Variants in PRDM11 observed in about 807,000 individuals in gnomAD.
PRDM11 encodes PR domain-containing protein 11.
A neutral mutation model predicts 97.8 loss-of-function variants in PRDM11; 20 were observed. That is an observed-to-expected ratio of 0.20 (90% confidence interval 0.14 to 0.30). The LOEUF (loss-of-function observed/expected upper bound fraction) is 0.30, where lower values mean the gene tolerates loss of function less well. PRDM11 is among the 10% of genes least tolerant of loss of function. The pLI is 1.00. For synonymous variants in PRDM11, 599 were observed against 637.7 expected, an observed-to-expected ratio of 0.94 and a Z score of 0.91; for missense variants, 1,139 against 1,555.2, an observed-to-expected ratio of 0.73 and a Z score of 4.50.
chr11:45,204,450 G>A (rs1233011071), intron 4 of PRDM11, among the ~76,000 whole-genome samples: 2 of 152,154 alleles, frequency 1.3e-5, no homozygotes, highest in African/African-American at 4.8e-5. Flanking sequence ...CATCTTCCAG[G>A]AATTCAAAAC....
At chr11:45,208,899 A>G (rs1419578871) in intron 5 of PRDM11, 1 of 454,026 alleles carries the variant, frequency 2.2e-6, no homozygotes, top group African/African-American at 2.0e-5. Flanking sequence ...GGCTGAGCGT[A>G]AGAGGAAGCC....
At chr11:45,120,804 T>G (rs114361661) in intron 1 of PRDM11, among the ~76,000 whole-genome samples, 67 of 152,222 alleles carry the variant, frequency 4.4e-4, no homozygotes, top group African/African-American at 1.5e-3. Context: ...ATTGATTACT[T>G]AAACCAGCAA....
At chr11:45,119,074 C>T (rs1852364926) in intron 1 of PRDM11, among the ~76,000 whole-genome samples, 1 of 152,140 alleles carries the variant, frequency 6.6e-6, no homozygotes, top group Non-Finnish European at 1.5e-5. Flanking sequence ...AAACACAAGA[C>T]CATATTCTTC....
Position 45,229,060 on chromosome 11 carries a change from A to G in PRDM11, c.*901A>G, listed in dbSNP as rs1854345417. ...ATTCCAATCCAGGGCTTTTGGGGAG[A>G]TGAAGAGCCAAGAAGTCCAGACCCC... is the stretch of plus-strand genomic sequence containing the variant. On this transcript the variant is annotated 3_prime_UTR_variant, in exon 8 of 8. Transcript: ENST00000683152. The G allele has an allele frequency of 6.6e-6, 1 of 152,162 alleles. No individual in the cohort carries two copies. Among genetic ancestry groups the G allele is most frequent in the Non-Finnish European group, 1.5e-5 (1 of 68,018 alleles). 9.4% of individuals were successfully genotyped at this position (152,162 alleles called of 1,614,324 possible).
chr11:45,097,121 A>C (rs1223919666), intron 1 of PRDM11, among the ~76,000 whole-genome samples: 3 of 152,250 alleles, frequency 2.0e-5, no homozygotes, highest in Non-Finnish European at 4.4e-5. Flanking sequence ...AAGCACCTTT[A>C]CCTTCATCCT....
chr11:45,227,242 A>T lies in PRDM11; in HGVS notation c.2617A>T (p.Met873Leu). 1 of 1,533,952 alleles carries T rather than the reference A, an allele frequency of 6.5e-7. No individual in the cohort carries two copies. Among genetic ancestry groups the T allele is most frequent in the Non-Finnish European group, 8.7e-7 (1 of 1,146,736 alleles). The stretch of plus-strand genomic sequence containing the variant: ...CGCACTGGCCCTGCTGCAGTTCCTC[A>T]TGGACTACCAGTCCATCAAGCTCAT... ...AIALALLQFL[M>L]DYQSIKLIYF... The change falls in exon 8 of 8, where the codon ATG (methionine) becomes TTG (leucine). Residue 873 changes from methionine to leucine, a missense_variant. Physicochemically the swap from Met to Leu is conservative, Grantham distance 15. Around this residue, in one of 2 missense-constraint regions of PRDM11, gnomAD observed 710 missense variants for 1,044.9 expected, o/e 0.68. Transcript: ENST00000683152. This position sits in a 1 kb window ranked among gnomAD's most constrained non-coding sequence, Gnocchi z 8.0.
In PRDM11 at chr11:45,204,730, G is replaced by A. The variant is rs146713608; in HGVS notation, c.506G>A (p.Arg169His). ...TTCCAGATTGTGGACAAGAACAACCGCTATAAGTCCATAGATGGCTCAGAC... is the reference window on the plus strand; with the variant it reads ...TTCCAGATTGTGGACAAGAACAACCACTATAAGTCCATAGATGGCTCAGAC... ...FSWLIVDKNN[R>H]YKSIDGSDET... is the part of the protein sequence containing the mutation. Residue 169 changes from arginine to histidine, a missense_variant, in exon 5 of 8, where the codon CGC becomes CAC. Physicochemically the swap from Arg to His is conservative, Grantham distance 29 (BLOSUM62 0). Coordinates refer to ENST00000683152, the MANE Select transcript of PRDM11 (RefSeq NM_001384648.1). 37 of 1,612,660 alleles carry A rather than the reference G, an allele frequency of 2.3e-5. No individual in the cohort carries two copies. The Admixed American group carries it at 3.5e-4, about 15-fold the overall frequency.
At chr11:45,168,903 G>T (rs917105979) in intron 1 of PRDM11, among the ~76,000 whole-genome samples, 2 of 152,298 alleles carry the variant, frequency 1.3e-5, no homozygotes, top group East Asian at 1.9e-4. Context: ...CCTGACCCTG[G>T]CCCTCCACAG....
chr11:45,116,669 A>T (rs951359132), intron 1 of PRDM11, among the ~76,000 whole-genome samples: 2 of 152,232 alleles, frequency 1.3e-5, no homozygotes, highest in African/African-American at 4.8e-5. Context: ...AATGTGAGAA[A>T]ATAATTTTTT....
chr11:45,124,533 G>A (rs530578925), intron 1 of PRDM11, among the ~76,000 whole-genome samples: 5 of 151,966 alleles, frequency 3.3e-5, no homozygotes, highest in Admixed American at 2.6e-4. Flanking sequence ...ACCTAATTGA[G>A]AGTTTTTAGC....
chr11:45,182,058 G>A (rs942064163), intron 2 of PRDM11, among the ~76,000 whole-genome samples, 173 bp downstream of exon 2: 3 of 152,100 alleles, frequency 2.0e-5, no homozygotes, highest in African/African-American at 7.2e-5. Context: ...GCCTAGGGAG[G>A]TCTGTGCTCG....
At position 45,177,108 on chromosome 11, in the gene PRDM11, G is replaced by A. The variant is rs12284415; in HGVS notation, c.-6-4653G>A. ...TAGATTCTCATGGTGCCAGCCTCTAGGGAAACCAAGTGGGCACAGATCCCC... is the reference window on the plus strand; with the variant it reads ...TAGATTCTCATGGTGCCAGCCTCTAAGGAAACCAAGTGGGCACAGATCCCC... On this transcript the variant is annotated intron_variant, in intron 1 of 7. Coordinates refer to ENST00000683152, the MANE Select transcript of PRDM11 (RefSeq NM_001384648.1). Among the ~76,000 whole-genome samples, 361 of 152,326 alleles carry A rather than the reference G, an allele frequency of 2.4e-3. 1 individual carries two copies. The highest frequency in any genetic ancestry group is 7.7e-3 in the African/African-American group (322 of 41,580).
intron 1 of PRDM11, among the ~76,000 whole-genome samples, chr11:45,096,503 G>C (rs977703577): frequency 3.3e-5 from 5 of 152,166 alleles, no homozygotes; most frequent in African/African-American, 1.2e-4. Context: ...TTGTGGGGGT[G>C]CAGGCAGGGT....
chr11:45,119,149 G>A (rs1852367370), intron 1 of PRDM11, among the ~76,000 whole-genome samples: 1 of 152,214 alleles, frequency 6.6e-6, no homozygotes, highest in Admixed American at 6.5e-5. Context: ...TGACAAAGGA[G>A]AAACTCTTGC....
upstream of PRDM11, among the ~76,000 whole-genome samples, chr11:45,142,135 G>A (rs145639147): frequency 1.1e-3 from 167 of 152,310 alleles, no homozygotes; most frequent in African/African-American, 4.0e-3. Context: ...TGGCAACCAA[G>A]GTGATCTCAT....
chr11:45,214,149 A>C (rs2135826864), intron 5 of PRDM11: 1 of 188,302 alleles, frequency 5.3e-6, no homozygotes, highest in African/African-American at 2.3e-5. Flanking sequence ...TCCAGGTTCC[A>C]GCATGCCTTG....
At chr11:45,163,791 C>G (rs538603049) in intron 1 of PRDM11, among the ~76,000 whole-genome samples, 1 of 152,152 alleles carries the variant, frequency 6.6e-6, no homozygotes, top group Non-Finnish European at 1.5e-5. Flanking sequence ...CTTCCTCAGC[C>G]CCTATTTAAG....
upstream of PRDM11, among the ~76,000 whole-genome samples, chr11:45,145,139 T>A (rs1347842723): frequency 6.6e-6 from 1 of 152,122 alleles, no homozygotes; most frequent in Non-Finnish European, 1.5e-5. Context: ...GCCCTTTAAA[T>A]ACACTCTCAT....
intron 5 of PRDM11, among the ~76,000 whole-genome samples, chr11:45,206,082 C>G (rs780956268): frequency 1.1e-4 from 16 of 152,184 alleles, no homozygotes; most frequent in Admixed American, 5.2e-4. Flanking sequence ...CTTCTCACTG[C>G]CACGGGGTCC....
Sources: gnomAD v4.1 joint callset for allele counts (sites outside exome capture counted in the v4.1 genomes callset) on GRCh38, gnomAD v4.1.1 for gene constraint, gnomAD v4.1.1 regional missense constraint, Gnocchi (gnomAD v3.1) non-coding constraint, MANE v1.5 for transcripts, NCBI Gene and HGNC (gene_info 2026-07-23, HGNC 2026-07-21) for gene names.